The following UBE2QL1 variants were observed in gnomAD, a reference collection of about 807,000 sequenced individuals.
UBE2QL1 encodes ubiquitin conjugating enzyme E2 QL1.
In UBE2QL1, 5 loss-of-function variants were observed where a neutral mutation model predicts 12.6. That is an observed-to-expected ratio of 0.40 (90% confidence interval 0.21 to 0.83). The LOEUF (loss-of-function observed/expected upper bound fraction) is 0.83, where lower values mean the gene tolerates loss of function less well. Ranked by LOEUF, UBE2QL1 falls within the 40% of genes least tolerant of loss-of-function variation. UBE2QL1 has a pLI of 0.37. For synonymous variants in UBE2QL1, 96 were observed against 94.5 expected, an observed-to-expected ratio of 1.02 and a Z score of -0.10; for missense variants, 99 against 222.6, an observed-to-expected ratio of 0.44 and a Z score of 3.53.
Position 6,449,037 on chromosome 5 carries a change from C to T in UBE2QL1, c.144C>T (p.Asn48=). ...TGTGGCAGGACATGAAGGAGACCAA[C>T]ACCGAGTTCATCCTGCTCAACCTCA... is the stretch of plus-strand genomic sequence containing the variant. The part of the protein sequence containing the change: ...SVLWQDMKET[N]TEFILLNLTF... The change falls in exon 1 of 2, where the codon AAC becomes AAT. Residue 48 remains asparagine (N), a synonymous_variant. Coordinates refer to ENST00000399816, the MANE Select transcript of UBE2QL1 (RefSeq NM_001145161.3). The T allele has an allele frequency of 6.5e-7, 1 of 1,549,136 alleles. No homozygotes were observed.
chr5:6,452,357 T>G (rs781463176), intron 1 of UBE2QL1, among the ~76,000 whole-genome samples: 4 of 152,164 alleles, frequency 2.6e-5, no homozygotes, highest in Non-Finnish European at 5.9e-5. Context: ...ATATATAAAT[T>G]TCCTCTATGA....
At chr5:6,467,156 T>C (rs1739813921) in intron 1 of UBE2QL1, among the ~76,000 whole-genome samples, 1 of 152,148 alleles carries the variant, frequency 6.6e-6, no homozygotes, top group Non-Finnish European at 1.5e-5. Flanking sequence ...AATCTCTCTG[T>C]CTCTCTCTGC....
intron 1 of UBE2QL1, among the ~76,000 whole-genome samples, chr5:6,480,203 A>C (rs931887998): frequency 6.6e-6 from 1 of 152,214 alleles, no homozygotes; most frequent in Non-Finnish European, 1.5e-5. Context: ...CTCCAAAGCC[A>C]GGAATTCCTG....
intron 1 of UBE2QL1, among the ~76,000 whole-genome samples, chr5:6,486,698 T>C (rs372003213): frequency 4.6e-5 from 7 of 152,378 alleles, no homozygotes; most frequent in South Asian, 2.1e-4. Context: ...AGCAATCGTC[T>C]GCTGAATGAA....
intron 1 of UBE2QL1, among the ~76,000 whole-genome samples, chr5:6,463,985 A>G (rs1341298262): frequency 6.7e-6 from 1 of 148,496 alleles, no homozygotes; most frequent in Non-Finnish European, 1.5e-5. Context: ...TTTTTTTTTT[A>G]ATTTGAGACA....
Position 6,476,445 on chromosome 5 carries a change from A to G in UBE2QL1, c.355-14773A>G, listed in dbSNP as rs889692156. 6.6e-6 allele frequency among the ~76,000 whole-genome samples: 1 copy of G among 152,186 alleles called. No homozygotes were observed. The highest frequency in any genetic ancestry group is 2.4e-5 in the African/African-American group (1 of 41,440). ...GTGTTTGGAGTTTGCCCTCTGGGTC[A>G]CGGGGCTGCTGGGTCAGGGTTGCTG... On this transcript the variant is annotated intron_variant, in intron 1 of 1. Transcript: ENST00000399816. This position sits in a 1 kb window ranked among gnomAD's most constrained non-coding sequence, Gnocchi z 4.9.
chr5:6,477,892 GC>G (rs1259032553), intron 1 of UBE2QL1, among the ~76,000 whole-genome samples: 4 of 152,190 alleles, frequency 2.6e-5, no homozygotes, highest in African/African-American at 9.6e-5. Context: ...CCTCAAGAAA[GC>G]AAGCCAGACA....
At position 6,491,552 on chromosome 5, in the gene UBE2QL1, G is replaced by A. The variant is rs144804096; in HGVS notation, c.*203G>A. On this transcript the variant is annotated 3_prime_UTR_variant, in exon 2 of 2. Transcript: ENST00000399816. ...GCAAATGCCGTTCGGATTATGTTTC[G>A]ATTATAAATGAATGATCACCTCGAA... 7 of 556,104 alleles carry A rather than the reference G, an allele frequency of 1.3e-5. No homozygotes were observed. The highest frequency in any genetic ancestry group is 1.1e-4 in the East Asian group (3 of 28,096). The allele number at this position is 556,104 out of a possible 1,614,324, so 34.4% of individuals were successfully genotyped here. A position where few individuals can be genotyped will look rare whatever the true frequency, so the allele number is the denominator to read the frequency against.
In UBE2QL1 at chr5:6,491,877, G is replaced by C. The variant is rs1002064742; in HGVS notation, c.*528G>C. The C allele has an allele frequency of 6.5e-6, 1 of 152,834 alleles. No individual in the cohort carries two copies. The highest frequency in any genetic ancestry group is 1.5e-5 in the Non-Finnish European group (1 of 68,500). 9.5% of individuals were successfully genotyped at this position (152,834 alleles called of 1,614,324 possible). ...GTCTTTCTGTGGCCCATGGTCCGCT[G>C]TGATGACATTTAGACCTCATTTGTG... is the stretch of plus-strand genomic sequence containing the variant. On this transcript the variant is annotated 3_prime_UTR_variant, in exon 2 of 2. Coordinates refer to ENST00000399816, the MANE Select transcript of UBE2QL1 (RefSeq NM_001145161.3).
chr5:6,450,142 C>T (rs1579283799), intron 1 of UBE2QL1, among the ~76,000 whole-genome samples: 1 of 151,410 alleles, frequency 6.6e-6, no homozygotes. Context: ...CTTCCTTCCC[C>T]GAACCCCTTA....
At chr5:6,461,428 T>C (rs1037069693) in intron 1 of UBE2QL1, among the ~76,000 whole-genome samples, 35 of 152,044 alleles carry the variant, frequency 2.3e-4, no homozygotes, top group African/African-American at 8.0e-4. Context: ...TTCTACGCTG[T>C]TTTTATTGTA....
chr5:6,483,687 C>T (rs1734410164), intron 1 of UBE2QL1, among the ~76,000 whole-genome samples: 1 of 152,188 alleles, frequency 6.6e-6, no homozygotes, highest in South Asian at 2.1e-4. Flanking sequence ...TTTCCCAGTG[C>T]ATTTTTTCTG....
chr5:6,491,371 G>A lies in UBE2QL1; in HGVS notation c.*22G>A, dbSNP rs890679447. 19 of 1,539,190 alleles carry A rather than the reference G, an allele frequency of 1.2e-5. No individual in the cohort carries two copies. Among genetic ancestry groups the A allele is most frequent in the Admixed American group, 1.0e-4 (5 of 49,278 alleles). Reference sequence around the variant, plus strand: ...CTGATGTCTGCCACGTGCAGTAGACGCTCGAGCGCCTGTCCACACACACAC... The same window carrying A: ...CTGATGTCTGCCACGTGCAGTAGACACTCGAGCGCCTGTCCACACACACAC... On this transcript the variant is annotated 3_prime_UTR_variant, in exon 2 of 2. Transcript: ENST00000399816.
At chr5:6,460,141 G>T (rs1413799499) in intron 1 of UBE2QL1, among the ~76,000 whole-genome samples, 1 of 152,166 alleles carries the variant, frequency 6.6e-6, no homozygotes, top group African/African-American at 2.4e-5. Flanking sequence ...GCAGAGGCAA[G>T]GCTCCAGCGC....
intron 1 of UBE2QL1, among the ~76,000 whole-genome samples, chr5:6,460,922 G>T (rs1371492362): frequency 6.6e-6 from 1 of 152,058 alleles, no homozygotes; most frequent in African/African-American, 2.4e-5. Flanking sequence ...GTGAAAAACC[G>T]GTTCATAAAT....
At chr5:6,486,796 G>A (rs1734476362) in intron 1 of UBE2QL1, among the ~76,000 whole-genome samples, 1 of 152,134 alleles carries the variant, frequency 6.6e-6, no homozygotes, top group African/African-American at 2.4e-5. Flanking sequence ...GCTCCTGTGG[G>A]GACGTTTAAC....
At chr5:6,477,742 A>C (rs1031420901) in intron 1 of UBE2QL1, among the ~76,000 whole-genome samples, 2 of 152,210 alleles carry the variant, frequency 1.3e-5, no homozygotes, top group African/African-American at 4.8e-5. Flanking sequence ...GAGTTCCCCC[A>C]TGTGGCACGT....
intron 1 of UBE2QL1, among the ~76,000 whole-genome samples, chr5:6,449,868 A>AC (rs5865654): frequency 0.36 from 41,754 of 116,590 alleles, 8,765 homozygotes; most frequent in East Asian, 0.62. Flanking sequence ...CACCTCCCCA[A>AC]CCCCCCCCAC....
Position 6,448,917 on chromosome 5 carries a change from G to A in UBE2QL1, c.24G>A (p.Ala8=), listed in dbSNP as rs944475945. ...TCATGAAGGAGCTGCAGGACATCGC[G>A]CGCCTTAGCGACCGCTTCATCTCCG... The part of the protein sequence containing the change: MKELQDI[A]RLSDRFISVE... Residue 8 remains alanine (A), a synonymous_variant, in exon 1 of 2, where the codon GCG becomes GCA. Transcript: ENST00000399816. 2.0e-5 allele frequency: 31 copies of A among 1,540,706 alleles called. 1 individual carries two copies. Among genetic ancestry groups the A allele is most frequent in the Non-Finnish European group, 2.5e-5 (29 of 1,142,542 alleles).
Sources: gnomAD v4.1 joint callset for allele counts (sites outside exome capture counted in the v4.1 genomes callset) on GRCh38, gnomAD v4.1.1 for gene constraint, Gnocchi (gnomAD v3.1) non-coding constraint, MANE v1.5 for transcripts, NCBI Gene and HGNC (gene_info 2026-07-23, HGNC 2026-07-21) for gene names.